FRMD3: variants seen among roughly 807,000 people sequenced by gnomAD.
The protein encoded by FRMD3 is FERM domain-containing protein 3.
Under a neutral mutation model 70.2 loss-of-function variants are expected in FRMD3, and 33 were observed. That is an observed-to-expected ratio of 0.47 (90% CI 0.36 to 0.63). The LOEUF is 0.63. Among genes scored for constraint, FRMD3 ranks in the 20% least tolerant of loss-of-function variants. The pLI, the probability that FRMD3 is intolerant of heterozygous loss-of-function variation, is 0.00. For synonymous variants in FRMD3, 279 were observed against 255.9 expected (o/e 1.09, Z -0.86); for missense variants, 632 against 711.4 (o/e 0.89, Z 1.27).
chr9:83,532,268 A>G, intron 1 of FRMD3, among the ~76,000 whole-genome samples: 1 of 152,162 alleles, frequency 6.6e-6, no homozygotes, highest in Non-Finnish European at 1.5e-5. Flanking sequence ...AGTGCTCCAG[A>G]ACATATGCTC....
chr9:83,502,883 A>G (rs949632503), intron 1 of FRMD3, among the ~76,000 whole-genome samples: 2 of 152,190 alleles, frequency 1.3e-5, no homozygotes, highest in African/African-American at 4.8e-5. Flanking sequence ...CCAGTGCACC[A>G]TGTGGCTTCA....
chr9:83,569,388 C>T, the FRMD3 span, among the ~76,000 whole-genome samples: 30 of 152,174 alleles, frequency 2.0e-4, no homozygotes, highest in Non-Finnish European at 1.2e-4. Flanking sequence ...TAGACTCTCC[C>T]CAACCCAATC....
chr9:83,510,084 G>A (rs985667402), intron 1 of FRMD3, among the ~76,000 whole-genome samples: 15 of 152,136 alleles, frequency 9.9e-5, no homozygotes, highest in African/African-American at 2.9e-4. Flanking sequence ...TGTGAAGTTC[G>A]GGGCAGTGGT....
chr9:83,350,672 GA>G (rs952856613), intron 3 of FRMD3: 19 of 504,692 alleles, frequency 3.8e-5, no homozygotes, highest in East Asian at 1.5e-4. Flanking sequence ...AGAAGAAAAA[GA>G]AAAAAAAGAA....
chr9:83,464,526 T>G (rs971686361), intron 1 of FRMD3, among the ~76,000 whole-genome samples: 4 of 152,314 alleles, frequency 2.6e-5, no homozygotes, highest in Non-Finnish European at 5.9e-5. Context: ...TGCTTAGCAC[T>G]TCCTGAGGAG....
chr9:83,483,032 T>A (rs1564098548), intron 1 of FRMD3, among the ~76,000 whole-genome samples: 2 of 152,158 alleles, frequency 1.3e-5, no homozygotes, highest in Non-Finnish European at 2.9e-5. Flanking sequence ...GGGTGTGGGT[T>A]TGGAGTCTGA....
At chr9:83,536,178 A>C (rs1829887736) in intron 1 of FRMD3, among the ~76,000 whole-genome samples, 1 of 152,264 alleles carries the variant, frequency 6.6e-6, no homozygotes, top group African/African-American at 2.4e-5. Context: ...GCCCAAGCCA[A>C]CATTTTGAAA....
chr9:83,454,041 G>A (rs893136057), intron 1 of FRMD3, among the ~76,000 whole-genome samples: 1 of 152,078 alleles, frequency 6.6e-6, no homozygotes, highest in Non-Finnish European at 1.5e-5. Context: ...GTAGCTACAA[G>A]AAAATATTAA....
chr9:83,391,621 AT>A (rs1011051791), intron 1 of FRMD3, among the ~76,000 whole-genome samples: 3 of 152,200 alleles, frequency 2.0e-5, no homozygotes, highest in East Asian at 1.9e-4. Flanking sequence ...CACAACAAAG[AT>A]TTTTTTTAAG....
Position 83,248,504 on chromosome 9 carries a change from G to A in FRMD3, c.1208C>T (p.Pro403Leu), listed in dbSNP as rs1458937080. The A allele has an allele frequency of 1.9e-6, 3 of 1,607,046 alleles. No individual in the cohort carries two copies. Among genetic ancestry groups the A allele is most frequent in the African/African-American group, 2.7e-5 (2 of 74,592 alleles). ...GGGAGCAGAAATGTTCTCCTCTTTA[G>A]GCAATGGAACACCTGTAAAGAGACA... ...ELPLGEGVPL[P>L]KEENISAPLI... Residue 403 changes from proline to leucine, a missense_variant, in exon 14 of 14, where the codon CCT becomes CTT. Around this residue, in one of 3 missense-constraint regions of FRMD3, gnomAD observed 418 missense variants for 442.1 expected, o/e 0.95. Coordinates refer to ENST00000304195, the MANE Select transcript of FRMD3 (RefSeq NM_174938.6).
intron 2 of FRMD3, among the ~76,000 whole-genome samples, chr9:83,384,371 G>A (rs1825451166): frequency 6.6e-6 from 1 of 152,132 alleles, no homozygotes; most frequent in African/African-American, 2.4e-5. Context: ...AGGAGCAGCT[G>A]GTGGGACATA....
At chr9:83,393,946 G>GTT (rs150546083) in intron 1 of FRMD3, among the ~76,000 whole-genome samples, 3,583 of 147,262 alleles carry the variant, frequency 0.024, 131 homozygotes, top group African/African-American at 0.082. Flanking sequence ...TTTTGTTGTT[G>GTT]TTGTTTTTTT....
At chr9:83,369,439 G>A (rs867840648) in intron 3 of FRMD3, among the ~76,000 whole-genome samples, 7 of 151,922 alleles carry the variant, frequency 4.6e-5, no homozygotes, top group East Asian at 1.9e-4. Context: ...AGCTGGGTGC[G>A]GTGGCACGTG....
intron 1 of FRMD3, among the ~76,000 whole-genome samples, chr9:83,401,186 A>G (rs1483253533): frequency 2.0e-5 from 3 of 152,252 alleles, no homozygotes; most frequent in Admixed American, 2.0e-4. Flanking sequence ...CAAGAAGAGG[A>G]AGATAAAACT....
chr9:83,325,275 T>C (rs996930734), intron 6 of FRMD3, among the ~76,000 whole-genome samples: 2 of 152,232 alleles, frequency 1.3e-5, no homozygotes, highest in East Asian at 3.8e-4. Flanking sequence ...AATATATCTA[T>C]GTAACAAAAT....
At chr9:83,461,432 C>A (rs1459478290) in intron 1 of FRMD3, among the ~76,000 whole-genome samples, 2 of 152,048 alleles carry the variant, frequency 1.3e-5, no homozygotes, top group African/African-American at 4.8e-5. Flanking sequence ...TTTGCTACAG[C>A]ATCAGTGTAA....
At chr9:83,528,296 G>GAC (rs35727605) in intron 1 of FRMD3, among the ~76,000 whole-genome samples, 71,078 of 149,044 alleles carry the variant, frequency 0.48, 17,146 homozygotes, top group Middle Eastern at 0.52. Context: ...TATAAACGCA[G>GAC]ACACACACAC....
In FRMD3 at chr9:83,368,960, T is replaced by G. The variant is rs532941086; in HGVS notation, c.295+3953A>C. 9.2e-5 allele frequency among the ~76,000 whole-genome samples: 14 copies of G among 152,212 alleles called. No homozygotes were observed. The South Asian group carries it at 1.7e-3, about 18-fold the overall frequency. ...ACCTCCAACTCCCTGGTTCAAGCGATTCTCCTGCCTCAGCCTCCCGAGGAG... is the reference window on the plus strand; with the variant it reads ...ACCTCCAACTCCCTGGTTCAAGCGAGTCTCCTGCCTCAGCCTCCCGAGGAG... On this transcript the variant is annotated intron_variant, in intron 3 of 13. Coordinates refer to ENST00000304195, the MANE Select transcript of FRMD3 (RefSeq NM_174938.6).
intron 1 of FRMD3, among the ~76,000 whole-genome samples, chr9:83,479,749 AGAG>A (rs1587450452): frequency 2.6e-5 from 3 of 117,500 alleles, no homozygotes; most frequent in East Asian, 5.8e-4. Flanking sequence ...GAAAAAGAAA[AGAG>A]AAGAAGAAGG....
Sources: gnomAD v4.1 joint callset for allele counts (sites outside exome capture counted in the v4.1 genomes callset) on GRCh38, gnomAD v4.1.1 for gene constraint, gnomAD v4.1.1 regional missense constraint, MANE v1.5 for transcripts, NCBI Gene and HGNC (gene_info 2026-07-23, HGNC 2026-07-21) for gene names.